UBE2E2: variants seen among roughly 807,000 people sequenced by gnomAD.
The protein encoded by UBE2E2 is ubiquitin conjugating enzyme E2 E2, also known as ubiquitin-conjugating enzyme E2 E2.
A neutral mutation model predicts 24.7 loss-of-function variants in UBE2E2; 6 were observed. The observed-to-expected ratio is 0.24, with a 90% CI of 0.13 to 0.48. The LOEUF is 0.48. Among genes scored for constraint, UBE2E2 ranks in the 20% least tolerant of loss-of-function variants. The pLI is 0.99. For synonymous variants in UBE2E2, 104 were observed against 83.6 expected (o/e 1.24, Z -1.33); for missense variants, 169 against 245.0 (o/e 0.69, Z 2.07).
chr3:23,414,477 G>A (rs930215218), intron 3 of UBE2E2, among the ~76,000 whole-genome samples: 22 of 152,178 alleles, frequency 1.4e-4, no homozygotes, highest in African/African-American at 3.4e-4. Flanking sequence ...CTCCACAATC[G>A]AGTCACCACC....
chr3:23,262,166 C>A (rs1164633200), intron 3 of UBE2E2, among the ~76,000 whole-genome samples: 1 of 152,156 alleles, frequency 6.6e-6, no homozygotes. Flanking sequence ...CATCCAGTAT[C>A]TCTTTATGGT....
chr3:23,589,848 G>T lies in UBE2E2; in HGVS notation c.*17G>T. 6.2e-7 allele frequency: 1 copy of T among 1,613,500 alleles called. No individual in the cohort carries two copies. Among genetic ancestry groups the T allele is most frequent in the Non-Finnish European group, 8.5e-7 (1 of 1,179,548 alleles). Reference sequence around the variant, plus strand: ...GCCACATAGGGGCCTGCTGCCTGCCGCCCCGCGGGACCTGTGCAAGCACAT... The same window carrying T: ...GCCACATAGGGGCCTGCTGCCTGCCTCCCCGCGGGACCTGTGCAAGCACAT... On this transcript the variant is annotated 3_prime_UTR_variant, in exon 6 of 6. Transcript: ENST00000396703. This position sits in a 1 kb window ranked among gnomAD's most constrained non-coding sequence, Gnocchi z 4.1.
chr3:23,412,447 G>C (rs564316850), intron 3 of UBE2E2, among the ~76,000 whole-genome samples: 1 of 77,312 alleles, frequency 1.3e-5, no homozygotes, highest in South Asian at 4.8e-4. Context: ...GATGTTTCCT[G>C]CTAAGCATTT....
intron 3 of UBE2E2, among the ~76,000 whole-genome samples, chr3:23,349,804 A>T (rs1165216171): frequency 1.3e-5 from 2 of 152,252 alleles, no homozygotes; most frequent in Non-Finnish European, 1.5e-5. Context: ...CCCTGGGGGC[A>T]GGGCACAGAT....
At chr3:23,436,367 A>G (rs1284696000) in intron 3 of UBE2E2, among the ~76,000 whole-genome samples, 1 of 152,152 alleles carries the variant, frequency 6.6e-6, no homozygotes, top group Non-Finnish European at 1.5e-5. Context: ...TGACATGTTA[A>G]CATTTCGTTA....
intron 3 of UBE2E2, among the ~76,000 whole-genome samples, chr3:23,260,857 G>C (rs1697877815): frequency 1.3e-5 from 2 of 152,136 alleles, no homozygotes; most frequent in Admixed American, 6.5e-5. Context: ...TGTAATCTGA[G>C]CAATTTGAGA....
rs35038477 is a variant in UBE2E2, at chr3:23,348,347, C to CAA, written c.227+131051_227+131052dup. On this transcript the variant is annotated intron_variant, in intron 3 of 5. Coordinates refer to ENST00000396703, the MANE Select transcript of UBE2E2 (RefSeq NM_152653.4). ...GAATAAAATGAGCCTGTGCTGCTTTCAAAAAAAAAAAAAAAAAGAATAGTC... is the reference window on the plus strand; with the variant it reads ...GAATAAAATGAGCCTGTGCTGCTTTCAAAAAAAAAAAAAAAAAAAGAATAGTC... Among the ~76,000 whole-genome samples, 361 of 121,938 alleles carry CAA rather than the reference C, an allele frequency of 3.0e-3. 3 individuals carry two copies. Among genetic ancestry groups the CAA allele is most frequent in the African/African-American group, 6.6e-3 (203 of 30,618 alleles). The allele number at this position is 121,938 out of a possible 152,430, so 80.0% of individuals were successfully genotyped here.
At chr3:23,353,187 A>G (rs1033814437) in intron 3 of UBE2E2, among the ~76,000 whole-genome samples, 2 of 152,266 alleles carry the variant, frequency 1.3e-5, no homozygotes, top group South Asian at 4.1e-4. Context: ...ATTCAACAAC[A>G]CTTCATGCTA....
At chr3:23,421,075 T>C (rs1697785207) in intron 3 of UBE2E2, among the ~76,000 whole-genome samples, 1 of 152,258 alleles carries the variant, frequency 6.6e-6, no homozygotes, top group African/African-American at 2.4e-5. Context: ...GGAAGGGACA[T>C]GATCTACTTT....
chr3:23,380,378 G>T (rs944673969), intron 3 of UBE2E2, among the ~76,000 whole-genome samples: 1 of 152,086 alleles, frequency 6.6e-6, no homozygotes, highest in Non-Finnish European at 1.5e-5. Context: ...GGCGTGTGCC[G>T]CTATGCCCAG....
At chr3:23,430,130 G>T (rs779294240) in intron 3 of UBE2E2, among the ~76,000 whole-genome samples, 2 of 152,166 alleles carry the variant, frequency 1.3e-5, no homozygotes, top group African/African-American at 4.8e-5. Context: ...CCCCTTGAAT[G>T]TTGGACTGAA....
chr3:23,325,202 A>G (rs971275694), intron 3 of UBE2E2, among the ~76,000 whole-genome samples: 1 of 152,200 alleles, frequency 6.6e-6, no homozygotes, highest in South Asian at 2.1e-4. Context: ...TGAAGTAGCC[A>G]CAATAAAGCT....
chr3:23,423,774 T>A (rs1036538019), intron 3 of UBE2E2, among the ~76,000 whole-genome samples: 5 of 152,204 alleles, frequency 3.3e-5, no homozygotes, highest in Non-Finnish European at 7.4e-5. Context: ...ATGTTTTTAA[T>A]GAGAATATGA....
chr3:23,300,374 A>G (rs1699038145), intron 3 of UBE2E2, among the ~76,000 whole-genome samples: 1 of 152,188 alleles, frequency 6.6e-6, no homozygotes, highest in Non-Finnish European at 1.5e-5. Context: ...GTTTCTTCCT[A>G]GCCTTGATGG....
At chr3:23,560,575 T>C (rs1323440863) in intron 5 of UBE2E2, among the ~76,000 whole-genome samples, 1 of 151,950 alleles carries the variant, frequency 6.6e-6, no homozygotes, top group Non-Finnish European at 1.5e-5. Context: ...CCTTTGGGTA[T>C]ACGCCCAGTA....
At chr3:23,249,702 C>T (rs1021180571) in intron 3 of UBE2E2, among the ~76,000 whole-genome samples, 4 of 151,760 alleles carry the variant, frequency 2.6e-5, no homozygotes, top group African/African-American at 4.8e-5. Context: ...TTCGCGCAGA[C>T]TGGAGTGCAG....
At chr3:23,384,627 C>G (rs1696759190) in intron 3 of UBE2E2, among the ~76,000 whole-genome samples, 1 of 152,132 alleles carries the variant, frequency 6.6e-6, no homozygotes, top group Admixed American at 6.5e-5. Context: ...ACTGCAACCT[C>G]CACCTCTGGG....
At chr3:23,556,460 A>C (rs1421420964) in intron 5 of UBE2E2, among the ~76,000 whole-genome samples, 1 of 149,988 alleles carries the variant, frequency 6.7e-6, no homozygotes, top group Non-Finnish European at 1.5e-5. Flanking sequence ...TATTTAAAAA[A>C]AAAAAAAAAA....
chr3:23,458,260 G>C (rs1218153280), intron 3 of UBE2E2, among the ~76,000 whole-genome samples: 5 of 152,054 alleles, frequency 3.3e-5, no homozygotes, highest in Non-Finnish European at 5.9e-5. Context: ...AGGGGAGAGA[G>C]TAGAAGGTGG....
Sources: gnomAD v4.1 joint callset for allele counts (sites outside exome capture counted in the v4.1 genomes callset) on GRCh38, gnomAD v4.1.1 for gene constraint, Gnocchi (gnomAD v3.1) non-coding constraint, MANE v1.5 for transcripts, NCBI Gene and HGNC (gene_info 2026-07-23, HGNC 2026-07-21) for gene names.